DPP10: variants seen among roughly 807,000 people sequenced by gnomAD.
DPP10 encodes dipeptidyl peptidase like 10, also known as inactive dipeptidyl peptidase 10.
DPP10 carries 33 observed loss-of-function variants against 120.9 expected under a neutral mutation model. The observed-to-expected ratio is 0.27, with a 90% confidence interval of 0.21 to 0.37. DPP10 has a LOEUF of 0.37. DPP10 is among the 10% of genes least tolerant of loss of function. The probability of loss-of-function intolerance (pLI) is 1.00; values close to 1 mark genes in which losing one functional copy is unlikely to be tolerated. For missense variants in DPP10, 816 were observed against 942.8 expected (o/e 0.87, Z 1.76); for synonymous variants, 337 against 326.1 (o/e 1.03, Z -0.36).
chr2:115,089,908 C>T (rs1709098233), intron 1 of DPP10, among the ~76,000 whole-genome samples: 1 of 152,114 alleles, frequency 6.6e-6, no homozygotes, highest in Non-Finnish European at 1.5e-5. Flanking sequence ...TAGTTGGTTC[C>T]TAGGAAATAG....
intron 5 of DPP10, among the ~76,000 whole-genome samples, chr2:115,582,123 C>T (rs1412655232): frequency 6.6e-6 from 1 of 152,138 alleles, no homozygotes; most frequent in Admixed American, 6.5e-5. Flanking sequence ...CCATCTGACC[C>T]TTGACTTGGG....
intron 1 of DPP10, among the ~76,000 whole-genome samples, chr2:114,708,976 G>A (rs929579783): frequency 3.3e-5 from 5 of 152,074 alleles, no homozygotes; most frequent in African/African-American, 1.2e-4. Flanking sequence ...GGCTGATCTC[G>A]AACTCCTGGC....
At chr2:114,915,210 T>A (rs568255802) in intron 1 of DPP10, among the ~76,000 whole-genome samples, 11 of 152,290 alleles carry the variant, frequency 7.2e-5, no homozygotes, top group African/African-American at 2.6e-4. Flanking sequence ...GAGGTTGCTA[T>A]TCTTATTTCA....
At chr2:115,087,936 T>C (rs1708862659) in intron 1 of DPP10, among the ~76,000 whole-genome samples, 1 of 152,172 alleles carries the variant, frequency 6.6e-6, no homozygotes, top group African/African-American at 2.4e-5. Context: ...TGTAACAAAA[T>C]ACCATAGACT....
chr2:115,337,476 A>G (rs1026615801), intron 2 of DPP10, among the ~76,000 whole-genome samples: 4 of 152,052 alleles, frequency 2.6e-5, no homozygotes, highest in Admixed American at 1.3e-4. Context: ...AGAGAGATGC[A>G]GGTTCAAGTT....
intron 1 of DPP10, among the ~76,000 whole-genome samples, chr2:115,212,066 G>A (rs114973502): frequency 9.8e-4 from 149 of 152,246 alleles, no homozygotes; most frequent in African/African-American, 3.4e-3. Context: ...TCTCAATGAA[G>A]CTCTGATGCC....
intron 1 of DPP10, among the ~76,000 whole-genome samples, chr2:114,481,525 C>G (rs1392401619): frequency 6.6e-6 from 1 of 152,058 alleles, no homozygotes; most frequent in Admixed American, 6.6e-5. Context: ...TGGCATTTAT[C>G]CCAGAGAAAT....
chr2:114,702,991 A>C (rs1402893216), intron 1 of DPP10, among the ~76,000 whole-genome samples: 1 of 152,148 alleles, frequency 6.6e-6, no homozygotes, highest in Non-Finnish European at 1.5e-5. Context: ...CCTCTGTATT[A>C]GGGTGAGCAG....
chr2:114,637,028 T>C (rs1163037520), intron 1 of DPP10, among the ~76,000 whole-genome samples: 1 of 151,952 alleles, frequency 6.6e-6, no homozygotes, highest in Non-Finnish European at 1.5e-5. Flanking sequence ...CAAATTGTAC[T>C]TTTCTTAATT....
chr2:114,724,763 G>A (rs143228658), intron 1 of DPP10, among the ~76,000 whole-genome samples: 7 of 152,268 alleles, frequency 4.6e-5, no homozygotes, highest in African/African-American at 1.4e-4. Flanking sequence ...AGGAAAGAAT[G>A]TTTGAAGGCC....
At chr2:115,190,790 C>CAGATTAT (rs2054823493) in intron 1 of DPP10, among the ~76,000 whole-genome samples, 1 of 152,190 alleles carries the variant, frequency 6.6e-6, no homozygotes, top group Non-Finnish European at 1.5e-5. Context: ...GGGTCTCTGG[C>CAGATTAT]CTGCCTGTCG....
chr2:115,492,525 A>G (rs967280663), intron 3 of DPP10, among the ~76,000 whole-genome samples: 1 of 152,100 alleles, frequency 6.6e-6, no homozygotes, highest in South Asian at 2.1e-4. Flanking sequence ...TGAGAAAGAT[A>G]TATTTATGAG....
At chr2:115,058,745 A>G (rs1188011318) in intron 1 of DPP10, among the ~76,000 whole-genome samples, 2 of 22,402 alleles carry the variant, frequency 8.9e-5, no homozygotes, top group East Asian at 3.3e-3. Flanking sequence ...AAAGTCAACA[A>G]TCTTTTTTTT....
intron 1 of DPP10, among the ~76,000 whole-genome samples, chr2:114,980,452 G>A (rs965872052): frequency 1.1e-4 from 16 of 151,650 alleles, no homozygotes; most frequent in Admixed American, 5.3e-4. Context: ...GTAAAATTAC[G>A]TTGACACTCA....
intron 1 of DPP10, among the ~76,000 whole-genome samples, chr2:115,005,315 C>T (rs1558980117): frequency 6.6e-6 from 1 of 152,182 alleles, no homozygotes; most frequent in African/African-American, 2.4e-5. Flanking sequence ...AGCGCCTCTC[C>T]TCCTCCAAAG....
At chr2:114,662,355 G>A (rs947017904) in intron 1 of DPP10, among the ~76,000 whole-genome samples, 9 of 152,332 alleles carry the variant, frequency 5.9e-5, no homozygotes, top group Non-Finnish European at 8.8e-5. Flanking sequence ...GCTGCGCGGG[G>A]AGCTCCGGAG....
intron 1 of DPP10, among the ~76,000 whole-genome samples, chr2:115,282,991 G>A (rs2060222822): frequency 6.6e-6 from 1 of 151,722 alleles, no homozygotes; most frequent in Non-Finnish European, 1.5e-5. Context: ...TGTATATTTA[G>A]AATCTAGCCT....
intron 1 of DPP10, among the ~76,000 whole-genome samples, chr2:115,099,130 CAA>C (rs55815168): frequency 2.5e-4 from 19 of 74,760 alleles, no homozygotes; most frequent in Admixed American, 4.5e-4. Context: ...GCTAAAAATA[CAA>C]AAAAAAAAAA....
At chr2:114,503,402 G>GT (rs1683369662) in intron 1 of DPP10, among the ~76,000 whole-genome samples, 1 of 152,138 alleles carries the variant, frequency 6.6e-6, no homozygotes, top group African/African-American at 2.4e-5. Flanking sequence ...TGGGAGTTTT[G>GT]ACTGATTATA....
Sources: gnomAD v4.1 joint callset for allele counts (sites outside exome capture counted in the v4.1 genomes callset) on GRCh38, gnomAD v4.1.1 for gene constraint, MANE v1.5 for transcripts, NCBI Gene and HGNC (gene_info 2026-07-23, HGNC 2026-07-21) for gene names.